KNDC1: variants seen among roughly 807,000 people sequenced by gnomAD.
KNDC1 encodes kinase non-catalytic C-lobe domain containing 1.
In KNDC1, 106 loss-of-function variants were observed where a neutral mutation model predicts 172.8. That is an observed-to-expected ratio of 0.61 (90% confidence interval 0.52 to 0.72). The LOEUF is 0.72. Among genes scored for constraint, KNDC1 ranks in the 30% least tolerant of loss-of-function variants. The pLI, the probability that KNDC1 is intolerant of heterozygous loss-of-function variation, is 0.00. For synonymous variants in KNDC1, 1,083 were observed against 1,062.2 expected, an observed-to-expected ratio of 1.02 and a Z score of -0.38; for missense variants, 2,325 against 2,394.5, an observed-to-expected ratio of 0.97 and a Z score of 0.61.
In KNDC1 at chr10:133,198,597, C is replaced by G; in HGVS notation, c.2089C>G (p.Gln697Glu). The change falls in exon 14 of 30, where the codon CAG becomes GAG. Residue 697 changes from glutamine (Q) to glutamate (E), a missense_variant. Gln to Glu is a conservative substitution (Grantham distance 29, BLOSUM62 2). Coordinates refer to ENST00000304613, the MANE Select transcript of KNDC1 (RefSeq NM_152643.8). ...CCGTAGGGACCAGCCTGCCTTGGCC[C>G]AGGAGGAGTCCGAGGAGAGGGGCGG... Reference protein sequence around the residue: ...SVARDQPALAQEESEERGGQR... With the variant: ...SVARDQPALAEEESEERGGQR... 1 of 1,595,968 alleles carries G rather than the reference C, an allele frequency of 6.3e-7. No homozygotes were observed. Among genetic ancestry groups the G allele is most frequent in the East Asian group, 2.3e-5 (1 of 44,440 alleles).
At position 133,201,560 on chromosome 10, in the gene KNDC1, G is replaced by A; in HGVS notation, c.3049G>A (p.Val1017Met). The A allele has an allele frequency of 1.2e-6, 2 of 1,612,396 alleles. No individual in the cohort carries two copies. The highest frequency in any genetic ancestry group is 2.2e-5 in the South Asian group (2 of 91,014). ...CAGGGCCCCCTGCTCACCCACCTCG[G>A]TGTCGGATGTGGACTCGGACGCACT... ...SSRAPCSPTS[V>M]SDVDSDALSR... Residue 1017 changes from valine (V) to methionine (M), a missense_variant, in exon 17 of 30, where the codon GTG (valine) becomes ATG (methionine). By Grantham distance (21) the Val-to-Met change is conservative. Transcript: ENST00000304613.
At chr10:133,204,110 G>A (rs1160738583) in intron 17 of KNDC1, among the ~76,000 whole-genome samples, 1 of 152,188 alleles carries the variant, frequency 6.6e-6, no homozygotes, top group African/African-American at 2.4e-5. Context: ...CCGGACGAGG[G>A]CCCCATGGTG....
chr10:133,188,120 C>T (rs1451987962), intron 6 of KNDC1, among the ~76,000 whole-genome samples: 3 of 152,170 alleles, frequency 2.0e-5, no homozygotes, highest in Non-Finnish European at 4.4e-5. Flanking sequence ...ACTGCCCCTG[C>T]GTCCGTCCGT....
chr10:133,219,426 A>G (rs1845535862), intron 28 of KNDC1, among the ~76,000 whole-genome samples: 1 of 152,196 alleles, frequency 6.6e-6, no homozygotes, highest in Non-Finnish European at 1.5e-5. Context: ...TGGCCTCATG[A>G]GATGATGAAC....
chr10:133,202,428 CG>C, intron 17 of KNDC1: 1 of 410,086 alleles, frequency 2.4e-6, no homozygotes, highest in Non-Finnish European at 4.9e-6. Flanking sequence ...GGTCTTAGAC[CG>C]GGGAGTCCTG....
rs948515780 is a variant in KNDC1 at position 133,209,681 on chromosome 10, C to T, written c.3795-930C>T. Among the ~76,000 whole-genome samples, 8 of 152,140 alleles carry T rather than the reference C, an allele frequency of 5.3e-5. No homozygotes were observed. Among genetic ancestry groups the T allele is most frequent in the Non-Finnish European group, 7.4e-5 (5 of 67,978 alleles). ...GCGTCTCCTGGCCGTGATGTGGTCACGAGGGGCTTCCCCGCTCTGTGGACC... is the reference window on the plus strand; with the variant it reads ...GCGTCTCCTGGCCGTGATGTGGTCATGAGGGGCTTCCCCGCTCTGTGGACC... On this transcript the variant is annotated intron_variant, in intron 20 of 29. Coordinates refer to ENST00000304613, the MANE Select transcript of KNDC1 (RefSeq NM_152643.8). The surrounding 1 kb of genome is among the most constrained non-coding windows in gnomAD (Gnocchi z 4.9).
At position 133,219,955 on chromosome 10, in the gene KNDC1, G is replaced by A. The variant is rs1845548164; in HGVS notation, c.4861G>A (p.Val1621Ile). 3 of 1,549,944 alleles carry A rather than the reference G, an allele frequency of 1.9e-6. No homozygotes were observed. The highest frequency in any genetic ancestry group is 1.2e-5 in the South Asian group (1 of 84,026). Residue 1621 changes from valine (V) to isoleucine (I), a missense_variant and splice_region_variant, in exon 29 of 30, where the codon GTC becomes ATC. Val to Ile is a conservative substitution (Grantham distance 29). Transcript: ENST00000304613. ...EVMEELKAVE[V>I]FLKSDSLCLM... ...GCCCACGCCCCGGCTGGACCACCAG[G>A]TCTTCCTGAAGAGCGACAGCCTGTG...
At position 133,209,666 on chromosome 10, in the gene KNDC1, G is replaced by C. The variant is rs1339132514; in HGVS notation, c.3795-945G>C. 6.6e-6 allele frequency among the ~76,000 whole-genome samples: 1 copy of C among 152,060 alleles called. No homozygotes were observed. The highest frequency in any genetic ancestry group is 1.5e-5 in the Non-Finnish European group (1 of 67,990). ...GCTTCCATGGAAGGAGCGTCTCCTG[G>C]CCGTGATGTGGTCACGAGGGGCTTC... On this transcript the variant is annotated intron_variant, in intron 20 of 29. Transcript: ENST00000304613. The surrounding 1 kb of genome is among the most constrained non-coding windows in gnomAD (Gnocchi z 4.9).
rs1175542440 is a variant in KNDC1 at position 133,209,980 on chromosome 10, A to G, written c.3795-631A>G. Among the ~76,000 whole-genome samples the G allele has an allele frequency of 6.6e-6, 1 of 152,040 alleles. No homozygotes were observed. The highest frequency in any genetic ancestry group is 1.9e-4 in the East Asian group (1 of 5,192). ...ACCCAGTGAAGACCCAGAACCTTTG[A>G]GCGTGCAGCATTGCGCCCGGTCCCG... is the stretch of plus-strand genomic sequence containing the variant. On this transcript the variant is annotated intron_variant, in intron 20 of 29. Coordinates refer to ENST00000304613, the MANE Select transcript of KNDC1 (RefSeq NM_152643.8). The surrounding 1 kb of genome is among the most constrained non-coding windows in gnomAD (Gnocchi z 4.9).
At position 133,197,682 on chromosome 10, in the gene KNDC1, A is replaced by G; in HGVS notation, c.1820A>G (p.Gln607Arg). Residue 607 changes from glutamine (Q) to arginine (R), a missense_variant, in exon 12 of 30, where the codon CAG (glutamine) becomes CGG (arginine). By Grantham distance (43) the Gln-to-Arg change is conservative (BLOSUM62 1). Coordinates refer to ENST00000304613, the MANE Select transcript of KNDC1 (RefSeq NM_152643.8). ...CTGTCACCTCCTCCCCAGGTGTACC[A>G]GGAGGAAGAGACCATCAGCCTCCAA... Reference protein sequence around the residue: ...HLRASICQVYQEEETISLQNA... With the variant: ...HLRASICQVYREEETISLQNA... 17 of 1,611,706 alleles carry G rather than the reference A, an allele frequency of 1.1e-5. No homozygotes were observed. The highest frequency in any genetic ancestry group is 1.7e-5 in the Admixed American group (1 of 60,004).
intron 3 of KNDC1, among the ~76,000 whole-genome samples, chr10:133,173,740 T>G (rs898712034): frequency 2.0e-5 from 3 of 152,220 alleles, no homozygotes; most frequent in African/African-American, 7.2e-5. Flanking sequence ...GCGGTTTTCC[T>G]GTTTTTGTGC....
chr10:133,192,530 C>T (rs751566944), intron 9 of KNDC1, among the ~76,000 whole-genome samples: 3 of 151,980 alleles, frequency 2.0e-5, no homozygotes, highest in South Asian at 2.1e-4. Flanking sequence ...CATAAAAATG[C>T]GTCATTGGGC....
intron 24 of KNDC1, 123 bp downstream of exon 24, chr10:133,213,045 GC>G: frequency 1.1e-6 from 1 of 880,422 alleles, no homozygotes; most frequent in Non-Finnish European, 1.7e-6. Flanking sequence ...GGGGCCAGCT[GC>G]CAGGTGCACA....
chr10:133,213,572 C>T, intron 24 of KNDC1, 73 bp from the exon 25 acceptor site: 1 of 1,362,338 alleles, frequency 7.3e-7, no homozygotes, highest in Non-Finnish European at 1.0e-6. Flanking sequence ...ACCCACCCTC[C>T]CTGGGACCCT....
chr10:133,187,316 G>T (rs570377228), intron 6 of KNDC1, among the ~76,000 whole-genome samples: 2 of 152,364 alleles, frequency 1.3e-5, no homozygotes, highest in South Asian at 4.1e-4. Context: ...GTTCTGGGGG[G>T]CCTGGTCCGT....
chr10:133,178,732 G>C (rs1444610916), intron 3 of KNDC1: 1 of 152,294 alleles, frequency 6.6e-6, no homozygotes, highest in Non-Finnish European at 1.5e-5. Context: ...TTGAAAACCT[G>C]GTGGTTTGTC....
chr10:133,168,317 G>T lies in KNDC1; in HGVS notation c.360+5G>T, dbSNP rs1384056542. On this transcript the variant is annotated splice_donor_5th_base_variant and intron_variant, in intron 3 of 29. Transcript: ENST00000304613. ...GTGACCGGGAACACCTTTGAGGTAA[G>T]TGCAGGTGGGGGTAATGTGCCACAC... 6.2e-7 allele frequency: 1 copy of T among 1,613,936 alleles called. No individual in the cohort carries two copies.
rs748857013 is a variant in KNDC1 at position 133,199,120 on chromosome 10, A to G, written c.2612A>G (p.Asp871Gly). 4.4e-5 allele frequency: 71 copies of G among 1,607,688 alleles called. No individual in the cohort carries two copies. Among genetic ancestry groups the G allele is most frequent in the Non-Finnish European group, 5.8e-5 (68 of 1,177,950 alleles). The change falls in exon 14 of 30, where the codon GAC (aspartate) becomes GGC (glycine). Residue 871 changes from aspartate (D) to glycine (G), a missense_variant. Transcript: ENST00000304613. ...GTCCCAGAGAGGCCGCGGCCCGCAG[A>G]CCGGAGGCTCTGTCTGCCCTGCGTG... is the stretch of plus-strand genomic sequence containing the variant. ...DSVPERPRPA[D>G]RRLCLPCVDA...
intron 17 of KNDC1, among the ~76,000 whole-genome samples, chr10:133,204,880 G>A (rs1024093321): frequency 2.0e-4 from 30 of 151,676 alleles, no homozygotes; most frequent in African/African-American, 6.1e-4. Flanking sequence ...GAGGGCTGCC[G>A]CGCCTCTCAC....
Sources: gnomAD v4.1 joint callset for allele counts (sites outside exome capture counted in the v4.1 genomes callset) on GRCh38, gnomAD v4.1.1 for gene constraint, Gnocchi (gnomAD v3.1) non-coding constraint, MANE v1.5 for transcripts, NCBI Gene and HGNC (gene_info 2026-07-23, HGNC 2026-07-21) for gene names.